Variants in UNC79 observed in about 807,000 individuals in gnomAD.
The protein encoded by UNC79 is protein unc-79 homolog.
In UNC79, 37 loss-of-function variants were observed where a neutral mutation model predicts 283.1. That is an observed-to-expected ratio of 0.13 (90% CI 0.10 to 0.17). UNC79 has a LOEUF of 0.17. Ranked by LOEUF, UNC79 falls within the 10% of genes least tolerant of loss-of-function variation. The pLI is 1.00. For missense variants in UNC79, 2,272 were observed against 3,211.1 expected (o/e 0.71, Z 7.07); for synonymous variants, 1,107 against 1,200.2 (o/e 0.92, Z 1.61).
chr14:93,569,592 T>A (rs942602054), intron 14 of UNC79, among the ~76,000 whole-genome samples: 21 of 152,210 alleles, frequency 1.4e-4, no homozygotes, highest in African/African-American at 5.1e-4. Context: ...TATTTGCCTA[T>A]TGTCAGGTTT....
At position 93,497,412 on chromosome 14, in the gene UNC79, A is replaced by T. The variant is rs185400908; in HGVS notation, c.898+126A>T. The T allele has an allele frequency of 3.7e-4, 478 of 1,275,246 alleles. 3 individuals carry two copies. In the African/African-American group the frequency reaches 6.6e-3, roughly 18 times the overall value. 79.0% of individuals were successfully genotyped at this position (1,275,246 alleles called of 1,614,324 possible). ...TTCTATGCCTTTGGACATGGTCATA[A>T]ATCCTTTCTGAAACTAAGTGGTTTA... is the stretch of plus-strand genomic sequence containing the variant. On this transcript the variant is annotated intron_variant, in intron 7 of 48. Transcript: ENST00000555664.
intron 1 of UNC79, among the ~76,000 whole-genome samples, chr14:93,446,394 GTT>G (rs35270146): frequency 7.0e-6 from 1 of 142,370 alleles, no homozygotes; most frequent in Non-Finnish European, 1.5e-5. Context: ...CATGTGTGTG[GTT>G]TTTTTTTTTT....
Position 93,477,487 on chromosome 14 carries a change from A to G in UNC79, c.449-71A>G, listed in dbSNP as rs983884387. On this transcript the variant is annotated intron_variant, in intron 3 of 48. Coordinates refer to ENST00000555664, the Ensembl canonical transcript of UNC79. The stretch of plus-strand genomic sequence containing the variant: ...AACTTAAACCAGTTCATTAAAGCTT[A>G]AAATGTAAAGTTAGCCTATTTTGTT... 25 of 1,310,300 alleles carry G rather than the reference A, an allele frequency of 1.9e-5. No individual in the cohort carries two copies. The Admixed American group carries it at 5.4e-4, about 29-fold the overall frequency. The allele number at this position is 1,310,300 out of a possible 1,614,324, so 81.2% of individuals were successfully genotyped here. A position where few individuals can be genotyped will look rare whatever the true frequency, so the allele number is the denominator to read the frequency against.
chr14:93,568,683 A>G (rs929530020), intron 14 of UNC79, among the ~76,000 whole-genome samples: 1 of 147,330 alleles, frequency 6.8e-6, no homozygotes, highest in African/African-American at 2.5e-5. Flanking sequence ...AAAAAATAAA[A>G]TAAATAAAAA....
intron 26 of UNC79, 38 bp from the exon 27 acceptor site, chr14:93,604,858 T>C: frequency 6.5e-7 from 1 of 1,538,740 alleles, no homozygotes. Context: ...CAGTTGTCTG[T>C]AATGCTTATT....
intron 35 of UNC79, among the ~76,000 whole-genome samples, chr14:93,650,925 T>C (rs1302417691): frequency 2.0e-5 from 3 of 150,174 alleles, no homozygotes; most frequent in Admixed American, 1.3e-4. Context: ...ATATGTATAT[T>C]TGGCATTTAT....
At chr14:93,604,177 A>T (rs1374920920) in intron 26 of UNC79, among the ~76,000 whole-genome samples, 1 of 152,194 alleles carries the variant, frequency 6.6e-6, no homozygotes, top group Non-Finnish European at 1.5e-5. Flanking sequence ...TAAATATATT[A>T]CTAACTTGTA....
intron 1 of UNC79, among the ~76,000 whole-genome samples, chr14:93,455,629 G>C (rs2056774731): frequency 6.6e-6 from 1 of 152,110 alleles, no homozygotes; most frequent in Non-Finnish European, 1.5e-5. Context: ...GAGAAGAAGA[G>C]AAACTCACCT....
chr14:93,468,853 G>A (rs555546189), intron 2 of UNC79, among the ~76,000 whole-genome samples: 1 of 152,164 alleles, frequency 6.6e-6, no homozygotes, highest in South Asian at 2.1e-4. Flanking sequence ...ATACTTGCAC[G>A]GTAAGGTTAG....
chr14:93,457,070 T>C (rs8005699), intron 1 of UNC79, among the ~76,000 whole-genome samples: 7,524 of 152,262 alleles, frequency 0.049, 634 homozygotes, highest in African/African-American at 0.17. Context: ...GAAACTTTAG[T>C]GTTATAGCCA....
At chr14:93,573,878 G>A (rs896761535) in intron 16 of UNC79, among the ~76,000 whole-genome samples, 4 of 152,106 alleles carry the variant, frequency 2.6e-5, no homozygotes, top group Non-Finnish European at 5.9e-5. Context: ...GGTGACGCAC[G>A]CCTGTAGTCC....
At chr14:93,679,182 C>T (rs1596333468) in intron 41 of UNC79, among the ~76,000 whole-genome samples, 1 of 152,190 alleles carries the variant, frequency 6.6e-6, no homozygotes, top group East Asian at 1.9e-4. Context: ...GATATTCGAC[C>T]GGGTGTGGTG....
chr14:93,641,818 A>G (rs1387348709), intron 33 of UNC79, among the ~76,000 whole-genome samples: 1 of 152,124 alleles, frequency 6.6e-6, no homozygotes, highest in Non-Finnish European at 1.5e-5. Flanking sequence ...TAATCCCCAC[A>G]TGTCAAAGGT....
At chr14:93,339,269 C>T (rs2053647816) in intron 1 of UNC79, among the ~76,000 whole-genome samples, 1 of 152,092 alleles carries the variant, frequency 6.6e-6, no homozygotes, top group African/African-American at 2.4e-5. Flanking sequence ...TTTAGCAGGA[C>T]TTGATCAGCT....
chr14:93,393,005 A>G (rs971197046), intron 1 of UNC79, among the ~76,000 whole-genome samples: 2 of 152,194 alleles, frequency 1.3e-5, no homozygotes. Flanking sequence ...TGGGAATTCC[A>G]AGATTGAGAG....
chr14:93,643,630 ACATT>A lies in UNC79; in HGVS notation c.5984_5987del (p.Ile1995ThrfsTer2). On this transcript the variant is annotated frameshift_variant, in exon 34 of 49. Transcript: ENST00000555664. LOFTEE classifies it high-confidence loss of function. ...TGGGCTAGCCATCGTGGTCCTCTCC[ACATT>A]CATTCACTTAAGCCCAGACCTGGCA... 6.2e-7 allele frequency: 1 copy of A among 1,613,588 alleles called. No homozygotes were observed.
At chr14:93,465,877 G>A (rs1043131556) in intron 1 of UNC79, among the ~76,000 whole-genome samples, 5 of 152,154 alleles carry the variant, frequency 3.3e-5, no homozygotes, top group African/African-American at 1.2e-4. Flanking sequence ...GACAGTGGGT[G>A]AGCAGACAGC....
intron 1 of UNC79, among the ~76,000 whole-genome samples, chr14:93,351,764 C>T (rs1015138310): frequency 2.6e-5 from 4 of 152,062 alleles, no homozygotes; most frequent in Admixed American, 6.6e-5. Context: ...CAAAAATCTG[C>T]AGGATAGGCT....
intron 10 of UNC79, among the ~76,000 whole-genome samples, chr14:93,529,761 A>G (rs1436194451): frequency 1.3e-5 from 2 of 152,200 alleles, no homozygotes; most frequent in East Asian, 1.9e-4. Context: ...GGGGGAAATC[A>G]TTGAATGTCT....
Sources: allele counts gnomAD v4.1 joint callset (sites outside exome capture counted in the v4.1 genomes callset), GRCh38; gene constraint gnomAD v4.1.1; transcripts MANE v1.5; gene names NCBI Gene and HGNC (gene_info 2026-07-23, HGNC 2026-07-21).